The following POLR1D variants were observed in gnomAD, a reference collection of about 807,000 sequenced individuals.
POLR1D encodes DNA-directed RNA polymerases I and III subunit RPAC2.
POLR1D carries 8 observed loss-of-function variants against 10.8 expected under a neutral mutation model. The ratio of observed to expected loss-of-function variants is 0.74; its 90% confidence interval spans 0.43 to 1.33. POLR1D has a LOEUF of 1.33. Ranked by LOEUF, POLR1D falls within the 40% of genes most tolerant of loss-of-function variation. The pLI is 0.01. For synonymous variants in POLR1D, 54 were observed against 57.2 expected (o/e 0.94, Z 0.25); for missense variants, 152 against 161.7 (o/e 0.94, Z 0.32).
upstream of POLR1D, chr13:27,621,880 C>T (rs910199500): frequency 9.6e-6 from 12 of 1,246,050 alleles, no homozygotes; most frequent in Middle Eastern, 1.8e-4. Flanking sequence ...TCCGCGCCTT[C>T]CGTCGGTCGG....
chr13:27,641,471 CTG>C (rs1956172559), intron 1 of POLR1D, among the ~76,000 whole-genome samples: 1 of 122,868 alleles, frequency 8.1e-6, no homozygotes, highest in South Asian at 2.4e-4. Context: ...CGAAATATTT[CTG>C]TCTTTCCACA....
chr13:27,661,600 T>C (rs1956364627), intron 2 of POLR1D, among the ~76,000 whole-genome samples: 1 of 152,152 alleles, frequency 6.6e-6, no homozygotes, highest in Non-Finnish European at 1.5e-5. Flanking sequence ...CTCAGATGGT[T>C]ACCCTAAAGC....
chr13:27,646,631 T>C (rs79940874), intron 1 of POLR1D, among the ~76,000 whole-genome samples: 15,264 of 152,276 alleles, frequency 0.1, 937 homozygotes, highest in East Asian at 0.26. Context: ...TGAAAAGACA[T>C]CTTTTAAAGA....
exon 3 of POLR1D, chr13:27,666,121 A>T: frequency 1.6e-6 from 1 of 624,210 alleles, no homozygotes; most frequent in Non-Finnish European, 2.8e-6. Context: ...ATGACCTAGC[A>T]ACTCTTGAGG....
rs189133306 is a variant in POLR1D, at chr13:27,639,494, A to T, written c.27-8885A>T. 2.6e-5 allele frequency among the ~76,000 whole-genome samples: 4 copies of T among 152,326 alleles called. No homozygotes were observed. In the East Asian group the frequency reaches 7.7e-4, roughly 29 times the overall value. On this transcript the variant is annotated intron_variant, in intron 1 of 2. Coordinates refer to the POLR1D transcript ENST00000399697. ...GCCTTTCTTCATAGCTTATATAAAAATTTACCATAGCACATTTACTCAGGT... is the reference window on the plus strand; with the variant it reads ...GCCTTTCTTCATAGCTTATATAAAATTTTACCATAGCACATTTACTCAGGT...
intron 2 of POLR1D, chr13:27,665,311 A>T (rs977910999): frequency 1.4e-5 from 3 of 220,824 alleles, no homozygotes; most frequent in Non-Finnish European, 2.7e-5. Flanking sequence ...AAAACGCAAG[A>T]TGCAATAAAT....
In POLR1D at chr13:27,663,469, C is replaced by G. The variant is rs999171653; in HGVS notation, c.102-2217C>G. ...GTGGAATTATTCTATAAAACCATCTCATTCTCTGGCTAACTCTTTGGGTCA... is the reference window on the plus strand; with the variant it reads ...GTGGAATTATTCTATAAAACCATCTGATTCTCTGGCTAACTCTTTGGGTCA... On this transcript the variant is annotated intron_variant, in intron 2 of 2. Coordinates refer to the POLR1D transcript ENST00000399697. This position sits in a 1 kb window ranked among gnomAD's most constrained non-coding sequence, Gnocchi z 4.1. 6.6e-6 allele frequency among the ~76,000 whole-genome samples: 1 copy of G among 152,218 alleles called. No homozygotes were observed.
intron 2 of POLR1D, chr13:27,649,898 G>A: frequency 2.5e-6 from 1 of 394,498 alleles, no homozygotes; most frequent in Non-Finnish European, 4.5e-6. Flanking sequence ...TGCAAAATTA[G>A]AGGTCACAGT....
chr13:27,632,857 C>T (rs1267086437), intron 1 of POLR1D, among the ~76,000 whole-genome samples: 2 of 152,134 alleles, frequency 1.3e-5, no homozygotes. Flanking sequence ...ATGCCTGGCT[C>T]ATAGCAGGTG....
chr13:27,627,458 A>G (rs1341949085), downstream of POLR1D, among the ~76,000 whole-genome samples: 6 of 152,278 alleles, frequency 3.9e-5, no homozygotes, highest in African/African-American at 1.4e-4. Flanking sequence ...GGCAGACAAG[A>G]GCTGTACACA....
exon 3 of POLR1D, chr13:27,666,367 A>G (rs1056560366): frequency 6.0e-6 from 1 of 167,456 alleles, no homozygotes; most frequent in Non-Finnish European, 1.3e-5. Flanking sequence ...AAATTTAGAA[A>G]TCATCAGTCC....
At chr13:27,643,626 C>G (rs774650893) in intron 1 of POLR1D, among the ~76,000 whole-genome samples, 2 of 152,026 alleles carry the variant, frequency 1.3e-5, no homozygotes, top group Non-Finnish European at 2.9e-5. Context: ...TAATCAATGA[C>G]CTGACATCAA....
chr13:27,630,104 G>T (rs1285686005), intron 1 of POLR1D, among the ~76,000 whole-genome samples: 1 of 151,984 alleles, frequency 6.6e-6, no homozygotes, highest in Non-Finnish European at 1.5e-5. Context: ...GTAGAGACGG[G>T]GTTTCACCAT....
intron 2 of POLR1D, among the ~76,000 whole-genome samples, chr13:27,649,284 A>G (rs1008475769): frequency 2.6e-5 from 4 of 152,246 alleles, no homozygotes; most frequent in African/African-American, 9.6e-5. Context: ...CCATGCACAT[A>G]GTTCACCTAA....
chr13:27,621,885 G>T (rs1204237230), upstream of POLR1D: 1 of 1,296,672 alleles, frequency 7.7e-7, no homozygotes, highest in South Asian at 1.3e-5. Context: ...GCCTTCCGTC[G>T]GTCGGTCCTT....
downstream of POLR1D, among the ~76,000 whole-genome samples, chr13:27,627,687 C>G (rs17085823): frequency 4.6e-3 from 672 of 146,512 alleles, 27 homozygotes; most frequent in East Asian, 0.088. Flanking sequence ...TGTAAGAGAG[C>G]TGTTAAAGAT....
At chr13:27,666,043 C>T in exon 3 of POLR1D, 2 of 1,183,612 alleles carry the variant, frequency 1.7e-6, no homozygotes, top group Non-Finnish European at 2.4e-6. Context: ...AGGGCAAACA[C>T]CTGAGAGTGA....
rs1469308821 is a variant in POLR1D at position 27,642,093 on chromosome 13, A to G, written c.27-6286A>G. 4.6e-5 allele frequency among the ~76,000 whole-genome samples: 7 copies of G among 152,208 alleles called. No homozygotes were observed. In the East Asian group the frequency reaches 1.3e-3, roughly 29 times the overall value. ...ACACAATTAGCATCTCCACTAAGAAATGGAGTTCAGAGGATGTTAACAGGT... is the reference window on the plus strand; with the variant it reads ...ACACAATTAGCATCTCCACTAAGAAGTGGAGTTCAGAGGATGTTAACAGGT... On this transcript the variant is annotated intron_variant, in intron 1 of 2. Coordinates refer to the POLR1D transcript ENST00000399697.
chr13:27,639,776 G>T (rs10492486), intron 1 of POLR1D, among the ~76,000 whole-genome samples: 7,406 of 152,248 alleles, frequency 0.049, 278 homozygotes, highest in South Asian at 0.12. Context: ...TTGCAGATTT[G>T]AGAATGTCGA....
Sources: allele counts gnomAD v4.1 joint callset (sites outside exome capture counted in the v4.1 genomes callset), GRCh38; gene constraint gnomAD v4.1.1; non-coding constraint Gnocchi (gnomAD v3.1); transcripts MANE v1.5; gene names NCBI Gene and HGNC (gene_info 2026-07-23, HGNC 2026-07-21).